EDA: variants seen among roughly 807,000 people sequenced by gnomAD.
The protein encoded by EDA is ectodysplasin-A.
A neutral mutation model predicts 23.6 loss-of-function variants in EDA; 2 were observed. The observed-to-expected ratio is 0.08, with a 90% CI of 0.03 to 0.27. EDA has a LOEUF of 0.27. Among genes scored for constraint, EDA ranks in the 10% least tolerant of loss-of-function variants. The pLI is 1.00. For missense variants in EDA, 229 were observed against 324.2 expected (o/e 0.71, Z 2.26); for synonymous variants, 131 against 132.0 (o/e 0.99, Z 0.05).
intron 2 of EDA, among the ~76,000 whole-genome samples, chrX:69,963,955 G>A (rs1036494384): frequency 2.7e-5 from 3 of 111,563 alleles, no homozygotes; most frequent in East Asian, 2.8e-4. Context: ...CCACTGCCCC[G>A]CTACAATACT....
chrX:69,664,033 A>T (rs372497699), intron 1 of EDA, among the ~76,000 whole-genome samples: 4 of 112,301 alleles, frequency 3.6e-5, no homozygotes, highest in Non-Finnish European at 5.6e-5. Flanking sequence ...ACAGGCTCAT[A>T]TGCAAAAGGG....
chrX:69,715,064 A>ATTTTTTTTTT (rs60745776), intron 1 of EDA, among the ~76,000 whole-genome samples: 2 of 80,159 alleles, frequency 2.5e-5, no homozygotes, highest in African/African-American at 4.5e-5. Flanking sequence ...CTTTCAACCC[A>ATTTTTTTTTT]TTTTTTTTTT....
intron 1 of EDA, among the ~76,000 whole-genome samples, chrX:69,954,034 C>T (rs1458244994): frequency 1.8e-5 from 2 of 111,239 alleles, no homozygotes; most frequent in Non-Finnish European, 3.8e-5. Flanking sequence ...CATTTTATTG[C>T]ATCTAAATTA....
intron 2 of EDA, among the ~76,000 whole-genome samples, chrX:69,961,775 C>T (rs992957649): frequency 8.9e-6 from 1 of 112,048 alleles, no homozygotes; most frequent in Non-Finnish European, 1.9e-5. Flanking sequence ...TAAGTTTATT[C>T]GTACTAATTA....
At chrX:69,831,449 G>C (rs1007652651) in intron 1 of EDA, among the ~76,000 whole-genome samples, 7 of 112,522 alleles carry the variant, frequency 6.2e-5, no homozygotes, top group Non-Finnish European at 9.4e-5. Flanking sequence ...TCTTAATCCA[G>C]TCTATCATTG....
chrX:69,786,058 T>C lies in EDA; in HGVS notation c.396+169354T>C, dbSNP rs1366154711. 1.0e-4 allele frequency among the ~76,000 whole-genome samples: 11 copies of C among 109,360 alleles called. No homozygotes were observed. In the East Asian group the frequency reaches 3.1e-3, roughly 31 times the overall value. 95.0% of individuals were successfully genotyped at this position (109,360 alleles called of 115,157 possible). Reference sequence around the variant, plus strand: ...TGTCGAGGAATTTATCCATTTCTTCTAGATTTTCTAGTTTATTTGCGTAGA... The same window carrying C: ...TGTCGAGGAATTTATCCATTTCTTCCAGATTTTCTAGTTTATTTGCGTAGA... On this transcript the variant is annotated intron_variant, in intron 1 of 7. Transcript: ENST00000374552.
intron 1 of EDA, among the ~76,000 whole-genome samples, chrX:69,752,212 T>A (rs2013909809): frequency 1.8e-5 from 2 of 111,332 alleles, no homozygotes; most frequent in Admixed American, 1.9e-4. Context: ...TGGCTGTGGG[T>A]TTTTCATTAA....
chrX:69,940,387 A>G (rs2018740176), intron 1 of EDA, among the ~76,000 whole-genome samples: 1 of 110,887 alleles, frequency 9.0e-6, no homozygotes. Flanking sequence ...AGTTGTTCAT[A>G]ATAGCCTATA....
intron 1 of EDA, among the ~76,000 whole-genome samples, chrX:69,646,325 G>T (rs1307135088): frequency 5.4e-5 from 6 of 111,465 alleles, no homozygotes; most frequent in Non-Finnish European, 1.9e-5. Context: ...AAGTCTCTTT[G>T]TAGGTCTCTA....
chrX:69,961,206 G>A lies in EDA; in HGVS notation c.502+4074G>A, dbSNP rs770102046. 4.5e-5 allele frequency among the ~76,000 whole-genome samples: 5 copies of A among 111,156 alleles called. No homozygotes were observed. In the East Asian group the frequency reaches 8.6e-4, roughly 19 times the overall value. On this transcript the variant is annotated intron_variant, in intron 2 of 7. Coordinates refer to ENST00000374552, the MANE Select transcript of EDA (RefSeq NM_001399.5). ...GCCAGGCTGGTCTCGAACTGCTGAC[G>A]TTGAGTGATCCGCCCACCTCAGCCT...
At chrX:69,895,771 G>A (rs1000509600) in intron 1 of EDA, among the ~76,000 whole-genome samples, 1 of 111,282 alleles carries the variant, frequency 9.0e-6, no homozygotes, top group Non-Finnish European at 1.9e-5. Flanking sequence ...TTCCACAGCG[G>A]TAATTATCAT....
chrX:69,876,383 A>G (rs1440540934), intron 1 of EDA, among the ~76,000 whole-genome samples: 1 of 110,776 alleles, frequency 9.0e-6, no homozygotes, highest in Non-Finnish European at 1.9e-5. Context: ...AGAATTTAAT[A>G]ATAAGAATAA....
At chrX:69,689,439 G>A (rs1427512084) in intron 1 of EDA, among the ~76,000 whole-genome samples, 4 of 108,825 alleles carry the variant, frequency 3.7e-5, no homozygotes, top group Non-Finnish European at 5.7e-5. Flanking sequence ...GGGTTCAAGC[G>A]AGTCTCCTGT....
At chrX:69,983,074 T>G (rs1459081282) in intron 2 of EDA, among the ~76,000 whole-genome samples, 1 of 45,339 alleles carries the variant, frequency 2.2e-5, no homozygotes, top group Non-Finnish European at 3.8e-5. Context: ...AGACTAGGAT[T>G]GCAACCCCTG....
In EDA at chrX:69,728,528, G is replaced by T. The variant is rs2012897921; in HGVS notation, c.396+111824G>T. Among the ~76,000 whole-genome samples, 3 of 112,252 alleles carry T rather than the reference G, an allele frequency of 2.7e-5. No individual in the cohort carries two copies. In the Admixed American group the frequency reaches 2.8e-4, roughly 11 times the overall value. On this transcript the variant is annotated intron_variant, in intron 1 of 7. Coordinates refer to ENST00000374552, the MANE Select transcript of EDA (RefSeq NM_001399.5). ...CAGGGATCAAATATAATTTGGCATG[G>T]CTAGGATGAAGGCTGTGGGGCAAGA...
chrX:69,922,841 C>A (rs973984932), intron 1 of EDA, among the ~76,000 whole-genome samples: 1 of 111,503 alleles, frequency 9.0e-6, no homozygotes, highest in Non-Finnish European at 1.9e-5. Flanking sequence ...GATTGTTGTG[C>A]ACAAAGTAGA....
At chrX:70,022,291 A>G (rs2020045005) in intron 2 of EDA, among the ~76,000 whole-genome samples, 1 of 111,262 alleles carries the variant, frequency 9.0e-6, no homozygotes, top group Non-Finnish European at 1.9e-5. Flanking sequence ...TTTCACTGCC[A>G]ATGAAATGGT....
intron 1 of EDA, among the ~76,000 whole-genome samples, chrX:69,741,897 G>C (rs2013470733): frequency 8.9e-6 from 1 of 111,884 alleles, no homozygotes; most frequent in Non-Finnish European, 1.9e-5. Flanking sequence ...ACTTACTCAT[G>C]CTCTGTTCCA....
At chrX:69,888,978 T>TTATATATATATATA (rs935436674) in intron 1 of EDA, among the ~76,000 whole-genome samples, 272 of 15,965 alleles carry the variant, frequency 0.017, 17 homozygotes, top group Admixed American at 0.026. Context: ...TGTGGGGTAG[T>TTATATATATATATA]TATATATATA....
Sources: gnomAD v4.1 joint callset for allele counts (sites outside exome capture counted in the v4.1 genomes callset) on GRCh38, gnomAD v4.1.1 for gene constraint, MANE v1.5 for transcripts, NCBI Gene and HGNC (gene_info 2026-07-23, HGNC 2026-07-21) for gene names.